Variants in SYT17 observed in about 807,000 individuals in gnomAD.
SYT17 encodes the protein synaptotagmin-17.
A neutral mutation model predicts 46.7 loss-of-function variants in SYT17; 22 were observed. The observed-to-expected ratio is 0.47, with a 90% CI of 0.34 to 0.67. The LOEUF is 0.67. SYT17 is among the 30% of genes least tolerant of loss of function. The pLI, the probability that SYT17 is intolerant of heterozygous loss-of-function variation, is 0.01. For missense variants in SYT17, 519 were observed against 612.8 expected, an observed-to-expected ratio of 0.85 and a Z score of 1.62; for synonymous variants, 251 against 248.4, an observed-to-expected ratio of 1.01 and a Z score of -0.10.
chr16:19,213,005 T>C (rs1294034571), intron 5 of SYT17, among the ~76,000 whole-genome samples: 1 of 152,180 alleles, frequency 6.6e-6, no homozygotes, highest in East Asian at 1.9e-4. Flanking sequence ...GTGGAGGCAG[T>C]GAATAGACTT....
At chr16:19,185,560 T>C (rs1964752607) in intron 5 of SYT17, among the ~76,000 whole-genome samples, 1 of 151,864 alleles carries the variant, frequency 6.6e-6, no homozygotes, top group South Asian at 2.1e-4. Flanking sequence ...CTGCACTCAC[T>C]CCAGCTCACT....
At chr16:19,220,104 A>G (rs887745946) in intron 5 of SYT17, among the ~76,000 whole-genome samples, 1 of 152,082 alleles carries the variant, frequency 6.6e-6, no homozygotes, top group Non-Finnish European at 1.5e-5. Flanking sequence ...ATTACTCAAG[A>G]CACTCAGTTG....
chr16:19,201,105 G>A (rs1024380857), intron 5 of SYT17, among the ~76,000 whole-genome samples: 19 of 152,260 alleles, frequency 1.2e-4, no homozygotes, highest in Admixed American at 3.9e-4. Flanking sequence ...AGCTACTGCC[G>A]GACAGTCCAG....
chr16:19,261,148 T>C (rs1239610593), intron 7 of SYT17, among the ~76,000 whole-genome samples: 3 of 152,198 alleles, frequency 2.0e-5, no homozygotes, highest in Non-Finnish European at 4.4e-5. Context: ...GCCCCTGACA[T>C]GTCTAGTTTT....
intron 7 of SYT17, chr16:19,249,978 T>C (rs751196609): frequency 6.5e-7 from 1 of 1,536,058 alleles, no homozygotes; most frequent in Non-Finnish European, 8.7e-7. Flanking sequence ...AACTGAGTAG[T>C]CACCCAGCTC....
At chr16:19,235,861 C>G (rs921139715) in intron 7 of SYT17, among the ~76,000 whole-genome samples, 1 of 151,614 alleles carries the variant, frequency 6.6e-6, no homozygotes, top group Non-Finnish European at 1.5e-5. Context: ...TTAGTGGGCT[C>G]GAAGACAGAT....
In SYT17 at chr16:19,264,085, G is replaced by C. The variant is rs550494332; in HGVS notation, c.1229-2795G>C. ...ACTAGCCTGTCCCTTCCACCATGTG[G>C]GGACTCAGTGAGAAGATACCACCTA... On this transcript the variant is annotated intron_variant, in intron 7 of 7. Coordinates refer to ENST00000355377, the MANE Select transcript of SYT17 (RefSeq NM_016524.4). Among the ~76,000 whole-genome samples, 107 of 152,292 alleles carry C rather than the reference G, an allele frequency of 7.0e-4. 1 individual carries two copies. The highest frequency in any genetic ancestry group is 1.1e-3 in the Non-Finnish European group (74 of 68,032).
At chr16:19,222,992 G>A in intron 5 of SYT17, 53 bp from the exon 6 acceptor site, 1 of 1,607,614 alleles carries the variant, frequency 6.2e-7, no homozygotes, top group Non-Finnish European at 8.5e-7. Context: ...TATGGTGGGT[G>A]CAAAAGGAAT....
chr16:19,224,586 T>TA, intron 6 of SYT17, 97 bp from the exon 7 acceptor site: 2 of 1,380,908 alleles, frequency 1.4e-6, no homozygotes, highest in Non-Finnish European at 1.0e-6. Flanking sequence ...AATGGAGGAA[T>TA]AAAAAGACAG....
intron 7 of SYT17, among the ~76,000 whole-genome samples, chr16:19,228,356 G>A (rs1966569450): frequency 6.6e-6 from 1 of 152,000 alleles, no homozygotes; most frequent in Non-Finnish European, 1.5e-5. Context: ...TAAGTTTTGG[G>A]GCCCTGACTT....
intron 5 of SYT17, among the ~76,000 whole-genome samples, chr16:19,218,009 C>T (rs1203485576): frequency 2.0e-5 from 3 of 152,116 alleles, no homozygotes; most frequent in Admixed American, 6.5e-5. Flanking sequence ...GAGTTTGAAC[C>T]TTGTTCTTTT....
intron 7 of SYT17, chr16:19,249,991 G>A (rs891817821): frequency 5.2e-6 from 8 of 1,535,738 alleles, no homozygotes; most frequent in African/African-American, 1.4e-5. Context: ...CCCAGCTCAT[G>A]GTATCAGTCC....
At chr16:19,175,806 A>G (rs1044579669) in intron 3 of SYT17, among the ~76,000 whole-genome samples, 2 of 152,170 alleles carry the variant, frequency 1.3e-5, no homozygotes, top group East Asian at 3.8e-4. Context: ...TGACTGACAG[A>G]CTATCCTGCA....
chr16:19,180,901 G>A (rs529131500), intron 4 of SYT17, among the ~76,000 whole-genome samples: 13 of 152,296 alleles, frequency 8.5e-5, no homozygotes, highest in East Asian at 1.9e-4. Flanking sequence ...GGAGCTAGGC[G>A]GGTTGCATCA....
At position 19,168,671 on chromosome 16, in the gene SYT17, A is replaced by T. The variant is rs1963960023; in HGVS notation, c.15+10A>T. 1 of 1,515,184 alleles carries T rather than the reference A, an allele frequency of 6.6e-7. No individual in the cohort carries two copies. The highest frequency in any genetic ancestry group is 1.4e-5 in the African/African-American group (1 of 69,212). 93.9% of individuals were successfully genotyped at this position (1,515,184 alleles called of 1,614,324 possible). ...AATGGCGTACATCCAGGTAGGGCTG[A>T]GGCTGGGGGCAAGGTCCGGGGTGCG... On this transcript the variant is annotated intron_variant, in intron 1 of 7. Transcript: ENST00000355377. The surrounding 1 kb of genome is among the most constrained non-coding windows in gnomAD (Gnocchi z 6.9).
Position 19,183,488 on chromosome 16 carries a change from G to A in SYT17, c.332-40G>A, listed in dbSNP as rs761655111. The A allele has an allele frequency of 8.5e-5, 136 of 1,609,098 alleles. No homozygotes were observed. The Admixed American group carries it at 1.3e-3, about 15-fold the overall frequency. ...CTGCAAAGTGGCCCAGGTCTGCCCC[G>A]TATGTGGCTGTCTTCATTGTTATTT... On this transcript the variant is annotated intron_variant, in intron 4 of 7. Transcript: ENST00000355377. This position sits in a 1 kb window ranked among gnomAD's most constrained non-coding sequence, Gnocchi z 5.6.
At chr16:19,214,639 A>G (rs1444924820) in intron 5 of SYT17, among the ~76,000 whole-genome samples, 1 of 152,180 alleles carries the variant, frequency 6.6e-6, no homozygotes, top group African/African-American at 2.4e-5. Flanking sequence ...GAACGATGTT[A>G]TTCATACGTA....
chr16:19,230,491 A>G (rs547174619), intron 7 of SYT17, among the ~76,000 whole-genome samples: 1 of 152,282 alleles, frequency 6.6e-6, no homozygotes, highest in South Asian at 2.1e-4. Context: ...CTGTATACCT[A>G]AAAATGGTTA....
At position 19,224,682 on chromosome 16, in the gene SYT17, G is replaced by A. The variant is rs371413320; in HGVS notation, c.1073-1G>A. The A allele has an allele frequency of 4.3e-6, 7 of 1,613,854 alleles. No individual in the cohort carries two copies. The highest frequency in any genetic ancestry group is 5.1e-6 in the Non-Finnish European group (6 of 1,179,906). ...TCTATGATGCTGTGTCTAATTTTCA[G>A]ACCCCTTTGTGAAAATCCAGCTGGT... is the stretch of plus-strand genomic sequence containing the variant. On this transcript the variant is annotated splice_acceptor_variant, in intron 6 of 7. Transcript: ENST00000355377. LOFTEE classifies it high-confidence loss of function.
Sources: gnomAD v4.1 joint callset for allele counts (sites outside exome capture counted in the v4.1 genomes callset) on GRCh38, gnomAD v4.1.1 for gene constraint, Gnocchi (gnomAD v3.1) non-coding constraint, MANE v1.5 for transcripts, NCBI Gene and HGNC (gene_info 2026-07-23, HGNC 2026-07-21) for gene names.